Variants in RYR2 observed in about 807,000 individuals in gnomAD.
RYR2 encodes cardiac muscle ryanodine receptor-calcium release channel.
RYR2 carries 227 observed loss-of-function variants against 601.1 expected under a neutral mutation model. The observed-to-expected ratio is 0.38, with a 90% CI of 0.34 to 0.42. RYR2 has a LOEUF of 0.42. RYR2 is among the 10% of genes least tolerant of loss of function. The probability of loss-of-function intolerance (pLI) is 1.00; values close to 1 mark genes in which losing one functional copy is unlikely to be tolerated. For missense variants in RYR2, 4,646 were observed against 6,156.5 expected, an observed-to-expected ratio of 0.75 and a Z score of 8.21; for synonymous variants, 2,223 against 2,175.1, an observed-to-expected ratio of 1.02 and a Z score of -0.61.
chr1:237,415,933 A>G (rs1339363629), intron 10 of RYR2, among the ~76,000 whole-genome samples: 1 of 152,142 alleles, frequency 6.6e-6, no homozygotes, highest in African/African-American at 2.4e-5. Flanking sequence ...ATCATTGTTG[A>G]TGTCTTCTGC....
intron 3 of RYR2, among the ~76,000 whole-genome samples, chr1:237,331,566 G>A (rs541897297): frequency 6.6e-6 from 1 of 151,788 alleles, no homozygotes; most frequent in African/African-American, 2.4e-5. Flanking sequence ...GCAGTGGCGC[G>A]ATCTCAGCTC....
chr1:237,440,531 G>C (rs927593043), intron 12 of RYR2, among the ~76,000 whole-genome samples: 3 of 152,134 alleles, frequency 2.0e-5, no homozygotes, highest in African/African-American at 7.2e-5. Flanking sequence ...AGGAGGAAGT[G>C]CTGACATAAA....
At chr1:237,768,959 T>G (rs1694062827) in intron 84 of RYR2, among the ~76,000 whole-genome samples, 1 of 152,170 alleles carries the variant, frequency 6.6e-6, no homozygotes, top group Non-Finnish European at 1.5e-5. Context: ...GAAAATACTG[T>G]GTGTGTCGAC....
At position 237,709,023 on chromosome 1, in the gene RYR2, T is replaced by A. The variant is rs1688606372; in HGVS notation, c.10067T>A (p.Leu3356Gln). Reference sequence around the variant, plus strand: ...ATGTCGGAGGCAGAACTCCTCATCCTAGATGAGTTCACCACACTGGCCAGA... The same window carrying A: ...ATGTCGGAGGCAGAACTCCTCATCCAAGATGAGTTCACCACACTGGCCAGA... ...GDMSEAELLI[L>Q]DEFTTLARDL... Residue 3356 changes from leucine (L) to glutamine (Q), a missense_variant, in exon 69 of 105, where the codon CTA becomes CAA. By Grantham distance (113) the Leu-to-Gln change is moderately radical. This residue lies in a region of RYR2 where 1,497 missense variants were observed against 1,842.6 expected (regional missense o/e 0.81). Coordinates refer to ENST00000366574, the MANE Select transcript of RYR2 (RefSeq NM_001035.3). 3 of 1,611,336 alleles carry A rather than the reference T, an allele frequency of 1.9e-6. No homozygotes were observed. Among genetic ancestry groups the A allele is most frequent in the Non-Finnish European group, 2.5e-6 (3 of 1,177,584 alleles).
chr1:237,185,779 A>G (rs1033049800), intron 1 of RYR2, among the ~76,000 whole-genome samples: 1 of 152,190 alleles, frequency 6.6e-6, no homozygotes, highest in Non-Finnish European at 1.5e-5. Flanking sequence ...TTAGACTTTT[A>G]GAGGTATAGA....
intron 3 of RYR2, among the ~76,000 whole-genome samples, chr1:237,336,069 G>T (rs1697216723): frequency 6.6e-6 from 1 of 151,986 alleles, no homozygotes; most frequent in African/African-American, 2.4e-5. Context: ...CAACTGCAGG[G>T]ATAGAAAAAC....
At chr1:237,350,589 AAAAAAAAAAAAAAATATATATATATAT>A (rs1203142529) in intron 3 of RYR2, among the ~76,000 whole-genome samples, 3 of 102,178 alleles carry the variant, frequency 2.9e-5, no homozygotes, top group African/African-American at 1.2e-4. Flanking sequence ...AAAAAAAAAA[AAAAAAAAAAAAAAATATATATATATAT>A]ATATATATAT....
At chr1:237,121,595 C>G (rs894877825) in intron 1 of RYR2, among the ~76,000 whole-genome samples, 1 of 152,116 alleles carries the variant, frequency 6.6e-6, no homozygotes, top group East Asian at 1.9e-4. Flanking sequence ...TTGTCATTAG[C>G]CATTGAGGAG....
chr1:237,703,032 T>A (rs1688089948), intron 66 of RYR2, among the ~76,000 whole-genome samples: 1 of 152,024 alleles, frequency 6.6e-6, no homozygotes, highest in African/African-American at 2.4e-5. Flanking sequence ...GACTTTATTT[T>A]TGACATGTTG....
intron 100 of RYR2, 146 bp from the exon 101 acceptor site, chr1:237,818,890 A>G (rs1292054847): frequency 4.2e-5 from 28 of 673,728 alleles, no homozygotes; most frequent in Non-Finnish European, 6.3e-5. Context: ...CACAACTAGA[A>G]ATACTGAAAC....
intron 88 of RYR2, among the ~76,000 whole-genome samples, chr1:237,779,753 G>C (rs1480308770): frequency 1.3e-5 from 2 of 152,214 alleles, no homozygotes; most frequent in Non-Finnish European, 2.9e-5. Flanking sequence ...AATAAGGACA[G>C]ATTTTAATCA....
At chr1:237,538,699 A>T (rs1345223517) in intron 25 of RYR2, among the ~76,000 whole-genome samples, 1 of 151,902 alleles carries the variant, frequency 6.6e-6, no homozygotes, top group Non-Finnish European at 1.5e-5. Context: ...TGAACCTGAG[A>T]GGCGGAGGTT....
chr1:237,760,251 AG>A (rs1368812241), intron 83 of RYR2, among the ~76,000 whole-genome samples: 1 of 150,532 alleles, frequency 6.6e-6, no homozygotes, highest in African/African-American at 2.4e-5. Context: ...CTAGCTACTC[AG>A]GAGGCTGAGG....
chr1:237,468,395 T>C (rs900735181), intron 16 of RYR2, among the ~76,000 whole-genome samples: 3 of 152,162 alleles, frequency 2.0e-5, no homozygotes, highest in African/African-American at 4.8e-5. Flanking sequence ...AAAAGTCACA[T>C]AGGAGTTTTA....
intron 25 of RYR2, among the ~76,000 whole-genome samples, chr1:237,544,026 A>T (rs1162627578): frequency 6.6e-6 from 1 of 152,146 alleles, no homozygotes; most frequent in Non-Finnish European, 1.5e-5. Flanking sequence ...TTTAAAAAAA[A>T]TTTTGCTATC....
At chr1:237,441,628 A>T (rs1707911326) in intron 13 of RYR2, 145 bp downstream of exon 13, 2 of 629,458 alleles carry the variant, frequency 3.2e-6, no homozygotes, top group East Asian at 5.7e-5. Flanking sequence ...ACTGTAATAG[A>T]CTCTTTAGCT....
At chr1:237,541,800 C>G (rs576663824) in intron 25 of RYR2, among the ~76,000 whole-genome samples, 12 of 152,014 alleles carry the variant, frequency 7.9e-5, no homozygotes, top group African/African-American at 2.7e-4. Flanking sequence ...AGTGGGGGAG[C>G]TTTTTGAGCC....
intron 1 of RYR2, among the ~76,000 whole-genome samples, chr1:237,125,441 A>C (rs1307097341): frequency 1.3e-5 from 2 of 151,578 alleles, no homozygotes; most frequent in Non-Finnish European, 2.9e-5. Context: ...AAAAAAAAGC[A>C]GACTTATAGA....
chr1:237,765,442 A>G (rs903251958), intron 84 of RYR2, among the ~76,000 whole-genome samples: 3 of 152,296 alleles, frequency 2.0e-5, no homozygotes, highest in African/African-American at 7.2e-5. Context: ...TTAACTACCA[A>G]TTAACCTTCC....
Sources: gnomAD v4.1 joint callset for allele counts (sites outside exome capture counted in the v4.1 genomes callset) on GRCh38, gnomAD v4.1.1 for gene constraint, gnomAD v4.1.1 regional missense constraint, MANE v1.5 for transcripts, NCBI Gene and HGNC (gene_info 2026-07-23, HGNC 2026-07-21) for gene names.